The following LDLRAD3 variants were observed in gnomAD, a reference collection of about 807,000 sequenced individuals.
LDLRAD3 encodes the protein low density lipoprotein receptor class A domain containing 3.
In LDLRAD3, 20 loss-of-function variants were observed where a neutral mutation model predicts 29.4. The observed-to-expected ratio is 0.68, with a 90% CI of 0.48 to 0.99. The LOEUF (loss-of-function observed/expected upper bound fraction) is 0.99, where lower values mean the gene tolerates loss of function less well. Ranked by LOEUF, LDLRAD3 falls within the 50% of genes least tolerant of loss-of-function variation. The pLI, the probability that LDLRAD3 is intolerant of heterozygous loss-of-function variation, is 0.00. For synonymous variants in LDLRAD3, 157 were observed against 192.7 expected (o/e 0.81, Z 1.53); for missense variants, 420 against 454.3 (o/e 0.92, Z 0.69).
At chr11:36,113,042 GGAAGACAGGGAAAAGGTTCA>G (rs2133288685) in intron 4 of LDLRAD3, among the ~76,000 whole-genome samples, 1 of 152,296 alleles carries the variant, frequency 6.6e-6, no homozygotes, top group African/African-American at 2.4e-5. Context: ...GGAAGGAATG[GGAAGACAGGGAAAAGGTTCA>G]GAAAGACAGA....
Position 36,194,905 on chromosome 11 carries a change from G to C in LDLRAD3, c.455-32180G>C, listed in dbSNP as rs551377868. The stretch of plus-strand genomic sequence containing the variant: ...CCTGCCTGTTCAGACCTGACAATTA[G>C]GCGGAGAAGGCAGTAGTCTAAAATA... On this transcript the variant is annotated intron_variant, in intron 4 of 5. Transcript: ENST00000315571. Among the ~76,000 whole-genome samples the C allele has an allele frequency of 2.9e-3, 441 of 152,262 alleles. 1 individual carries two copies. The highest frequency in any genetic ancestry group is 5.3e-3 in the Non-Finnish European group (358 of 68,022).
chr11:36,019,807 A>G (rs546167363), intron 1 of LDLRAD3, among the ~76,000 whole-genome samples: 1 of 152,276 alleles, frequency 6.6e-6, no homozygotes, highest in Non-Finnish European at 1.5e-5. Flanking sequence ...GGAGAAGGTG[A>G]ATCAACCTCT....
At chr11:36,219,738 C>T (rs533268711) in intron 4 of LDLRAD3, among the ~76,000 whole-genome samples, 36 of 152,112 alleles carry the variant, frequency 2.4e-4, no homozygotes, top group South Asian at 6.2e-4. Flanking sequence ...TTCCTTGAAT[C>T]GAATATAGAA....
intron 4 of LDLRAD3, among the ~76,000 whole-genome samples, chr11:36,203,401 A>C (rs1431922153): frequency 6.6e-6 from 1 of 152,230 alleles, no homozygotes; most frequent in Non-Finnish European, 1.5e-5. Context: ...TTGCAAAGCC[A>C]ATAAATCGTA....
At chr11:36,006,934 T>A (rs922889533) in intron 1 of LDLRAD3, among the ~76,000 whole-genome samples, 1 of 152,166 alleles carries the variant, frequency 6.6e-6, no homozygotes, top group Non-Finnish European at 1.5e-5. Context: ...AAATGGCTGC[T>A]CCATTGCCAC....
At chr11:36,120,345 C>T (rs12284134) in intron 4 of LDLRAD3, among the ~76,000 whole-genome samples, 2,011 of 152,230 alleles carry the variant, frequency 0.013, 45 homozygotes, top group African/African-American at 0.045. Flanking sequence ...TGCCAATCTC[C>T]TTCACCAGAA....
intron 1 of LDLRAD3, among the ~76,000 whole-genome samples, chr11:36,009,773 GA>G (rs1851932050): frequency 6.6e-6 from 1 of 152,070 alleles, no homozygotes; most frequent in Admixed American, 6.5e-5. Flanking sequence ...TCATATTATG[GA>G]AAAGAGCACA....
intron 1 of LDLRAD3, among the ~76,000 whole-genome samples, chr11:35,963,089 C>T (rs916900387): frequency 5.3e-5 from 8 of 152,248 alleles, no homozygotes; most frequent in Non-Finnish European, 8.8e-5. Context: ...GCCACAAGGA[C>T]GATGGATTTA....
At chr11:36,102,638 T>C (rs991575253) in intron 4 of LDLRAD3, among the ~76,000 whole-genome samples, 107 of 152,262 alleles carry the variant, frequency 7.0e-4, no homozygotes, top group African/African-American at 2.5e-3. Context: ...CTATATGAGA[T>C]GTATTAGAGA....
At chr11:36,109,795 T>C (rs1006104770) in intron 4 of LDLRAD3, 2 of 152,110 alleles carry the variant, frequency 1.3e-5, no homozygotes, top group African/African-American at 2.4e-5. Context: ...CAATCAAAAA[T>C]GTCACAACCT....
At chr11:35,991,479 A>G (rs1164619037) in intron 1 of LDLRAD3, among the ~76,000 whole-genome samples, 1 of 152,168 alleles carries the variant, frequency 6.6e-6, no homozygotes, top group Non-Finnish European at 1.5e-5. Flanking sequence ...AAAAAAACCT[A>G]TAATGGTTTA....
chr11:36,105,427 C>T (rs1853515042), intron 4 of LDLRAD3, among the ~76,000 whole-genome samples: 1 of 152,118 alleles, frequency 6.6e-6, no homozygotes, highest in Admixed American at 6.5e-5. Flanking sequence ...GAATTGTCCT[C>T]CTCCCCCGCT....
At chr11:36,018,875 T>A (rs1167868911) in intron 1 of LDLRAD3, among the ~76,000 whole-genome samples, 1 of 152,238 alleles carries the variant, frequency 6.6e-6, no homozygotes, top group Non-Finnish European at 1.5e-5. Flanking sequence ...TTATTTTTTG[T>A]GCCATGCTTG....
chr11:36,005,218 G>C (rs1423418884), intron 1 of LDLRAD3, among the ~76,000 whole-genome samples: 1 of 152,178 alleles, frequency 6.6e-6, no homozygotes, highest in Non-Finnish European at 1.5e-5. Context: ...TTAAATATAA[G>C]TTCCAATTTC....
At chr11:36,224,378 C>G (rs1828034658) in intron 4 of LDLRAD3, among the ~76,000 whole-genome samples, 1 of 152,138 alleles carries the variant, frequency 6.6e-6, no homozygotes, top group African/African-American at 2.4e-5. Context: ...CTCTACAGCT[C>G]TCCCTGCTAG....
At chr11:36,109,457 A>C (rs999286461) in intron 4 of LDLRAD3, among the ~76,000 whole-genome samples, 12 of 152,200 alleles carry the variant, frequency 7.9e-5, no homozygotes, top group East Asian at 1.9e-4. Context: ...GAGAGTAGCA[A>C]GCTGCGTTAT....
At chr11:36,007,996 A>T (rs1183285192) in intron 1 of LDLRAD3, among the ~76,000 whole-genome samples, 2 of 152,122 alleles carry the variant, frequency 1.3e-5, no homozygotes, top group Admixed American at 6.5e-5. Context: ...ACTCCACGTG[A>T]CCTCTGGTGG....
intron 1 of LDLRAD3, among the ~76,000 whole-genome samples, chr11:35,971,424 CCTGTTAGG>C (rs142177015): frequency 0.021 from 3,222 of 152,234 alleles, 116 homozygotes; most frequent in African/African-American, 0.074. Context: ...AATTAAGTTA[CCTGTTAGG>C]CTGTTAGGAT....
rs138090692 is a variant in LDLRAD3, at chr11:36,200,280, A to G, written c.455-26805A>G. The stretch of plus-strand genomic sequence containing the variant: ...AAGGCCCGCCAATTCAGTTCCTAGT[A>G]AGGGCCCTCCTGGCTTATAGACAGC... On this transcript the variant is annotated intron_variant, in intron 4 of 5. Transcript: ENST00000315571. 9.7e-4 allele frequency among the ~76,000 whole-genome samples: 148 copies of G among 152,062 alleles called. 1 individual carries two copies. In the East Asian group the frequency reaches 0.027, roughly 27 times the overall value.
Sources: gnomAD v4.1 joint callset for allele counts (sites outside exome capture counted in the v4.1 genomes callset) on GRCh38, gnomAD v4.1.1 for gene constraint, MANE v1.5 for transcripts, NCBI Gene and HGNC (gene_info 2026-07-23, HGNC 2026-07-21) for gene names.